The following OPCML variants were observed in gnomAD, a reference collection of about 807,000 sequenced individuals.
The protein encoded by OPCML is opioid binding protein/cell adhesion molecule like.
OPCML carries 13 observed loss-of-function variants against 37.8 expected under a neutral mutation model. That is an observed-to-expected ratio of 0.34 (90% confidence interval 0.22 to 0.55). The LOEUF is 0.55. OPCML is among the 20% of genes least tolerant of loss of function. The pLI, the probability that OPCML is intolerant of heterozygous loss-of-function variation, is 0.91. For synonymous variants in OPCML, 176 were observed against 168.8 expected (o/e 1.04, Z -0.33); for missense variants, 341 against 435.6 (o/e 0.78, Z 1.93).
chr11:133,242,807 A>T (rs1228470322), intron 1 of OPCML, among the ~76,000 whole-genome samples: 1 of 152,196 alleles, frequency 6.6e-6, no homozygotes, highest in African/African-American at 2.4e-5. Context: ...TGAGATAAAC[A>T]CTAGCCGAGT....
At chr11:133,486,839 C>T (rs2120399712) in intron 1 of OPCML, among the ~76,000 whole-genome samples, 1 of 135,462 alleles carries the variant, frequency 7.4e-6, no homozygotes, top group East Asian at 2.2e-4. Context: ...TCGCTCTCTC[C>T]CCCCCTTCTC....
intron 3 of OPCML, among the ~76,000 whole-genome samples, chr11:132,631,202 TA>T (rs35111694): frequency 6.6e-6 from 1 of 151,680 alleles, no homozygotes; most frequent in African/African-American, 2.4e-5. Flanking sequence ...GAGAACTTTT[TA>T]AAAAAAATTC....
In OPCML at chr11:133,180,107, C is replaced by T. The variant is rs141775659; in HGVS notation, c.62-237097G>A. 1.8e-3 allele frequency among the ~76,000 whole-genome samples: 270 copies of T among 152,312 alleles called. 3 individuals carry two copies. Among genetic ancestry groups the T allele is most frequent in the East Asian group, 4.2e-3 (22 of 5,178 alleles). ...ACTAGGGTGTGAGTGATGAGCACTG[C>T]TCCACGGCTGTGAAAGAACCGTAGG... On this transcript the variant is annotated intron_variant, in intron 1 of 7. Coordinates refer to ENST00000524381, the MANE Select transcript of OPCML (RefSeq NM_001012393.5).
At chr11:133,516,746 G>A (rs181604150) in intron 1 of OPCML, among the ~76,000 whole-genome samples, 12 of 152,286 alleles carry the variant, frequency 7.9e-5, no homozygotes, top group South Asian at 2.1e-4. Context: ...GGAGAGTTAC[G>A]AGCCACGGGG....
intron 1 of OPCML, among the ~76,000 whole-genome samples, chr11:133,264,797 T>G (rs1245242273): frequency 1.3e-5 from 2 of 152,198 alleles, no homozygotes; most frequent in African/African-American, 2.4e-5. Context: ...GTTATACATC[T>G]GTCATCAATA....
At chr11:133,129,080 A>G (rs1332217023) in intron 1 of OPCML, among the ~76,000 whole-genome samples, 1 of 152,202 alleles carries the variant, frequency 6.6e-6, no homozygotes, top group Non-Finnish European at 1.5e-5. Flanking sequence ...ACACAGGGGA[A>G]GGGGAAACAG....
At chr11:133,004,561 G>T in intron 1 of OPCML, 1 of 985,462 alleles carries the variant, frequency 1.0e-6, no homozygotes, top group African/African-American at 1.7e-5. Flanking sequence ...GACACTGCCT[G>T]CCAATGCCCA....
chr11:132,690,397 G>T (rs898203944), intron 2 of OPCML, among the ~76,000 whole-genome samples: 3 of 152,218 alleles, frequency 2.0e-5, no homozygotes, highest in African/African-American at 7.2e-5. Flanking sequence ...TGCTTATGCT[G>T]CTGGTATGGT....
intron 2 of OPCML, among the ~76,000 whole-genome samples, chr11:132,721,728 G>T (rs1370284624): frequency 6.6e-6 from 1 of 152,116 alleles, no homozygotes; most frequent in African/African-American, 2.4e-5. Context: ...GTGCAGTGGT[G>T]GGGTAGAAAC....
chr11:132,440,254 C>T (rs2096027983), intron 4 of OPCML, among the ~76,000 whole-genome samples: 1 of 151,868 alleles, frequency 6.6e-6, no homozygotes, highest in African/African-American at 2.4e-5. Context: ...ATAATACTAC[C>T]TCATTAAGTG....
At chr11:132,775,476 C>A (rs1946778739) in intron 2 of OPCML, among the ~76,000 whole-genome samples, 1 of 152,174 alleles carries the variant, frequency 6.6e-6, no homozygotes, top group South Asian at 2.1e-4. Context: ...CAAACACACA[C>A]ACACCAACTC....
intron 2 of OPCML, among the ~76,000 whole-genome samples, chr11:132,678,929 C>T (rs1209115685): frequency 6.6e-6 from 1 of 152,032 alleles, no homozygotes; most frequent in African/African-American, 2.4e-5. Context: ...AACAATGGCC[C>T]ACTCCGGTGG....
chr11:132,798,559 T>C (rs1938466276), intron 2 of OPCML, among the ~76,000 whole-genome samples: 1 of 152,238 alleles, frequency 6.6e-6, no homozygotes, highest in Non-Finnish European at 1.5e-5. Flanking sequence ...AGGCTCCATT[T>C]CTAATTCTAG....
chr11:133,203,253 A>G (rs1487217135), intron 1 of OPCML, among the ~76,000 whole-genome samples: 1 of 152,236 alleles, frequency 6.6e-6, no homozygotes, highest in Non-Finnish European at 1.5e-5. Flanking sequence ...GCTCATCTGA[A>G]ACCGGGATAA....
At chr11:133,181,193 T>C (rs76691510) in intron 1 of OPCML, among the ~76,000 whole-genome samples, 2,114 of 152,226 alleles carry the variant, frequency 0.014, 16 homozygotes, top group Non-Finnish European at 0.021. Context: ...ACACGGGTCA[T>C]TGTGGTGTTA....
At chr11:132,523,608 C>A (rs987143373) in intron 4 of OPCML, among the ~76,000 whole-genome samples, 1 of 152,120 alleles carries the variant, frequency 6.6e-6, no homozygotes, top group Non-Finnish European at 1.5e-5. Flanking sequence ...AGAAAAAATA[C>A]AGTAGCTATT....
At chr11:132,984,309 T>A (rs1461707477) in intron 1 of OPCML, among the ~76,000 whole-genome samples, 1 of 152,214 alleles carries the variant, frequency 6.6e-6, no homozygotes, top group Admixed American at 6.5e-5. Flanking sequence ...TTAAGATGAA[T>A]TTCACAAATA....
At chr11:132,868,886 A>G (rs144553531) in intron 2 of OPCML, among the ~76,000 whole-genome samples, 1 of 152,274 alleles carries the variant, frequency 6.6e-6, no homozygotes, top group Non-Finnish European at 1.5e-5. Flanking sequence ...GTGCTTGTGT[A>G]TGCATACGTG....
chr11:133,326,119 C>T (rs753786826), intron 1 of OPCML, among the ~76,000 whole-genome samples: 8 of 151,998 alleles, frequency 5.3e-5, no homozygotes, highest in Non-Finnish European at 1.0e-4. Flanking sequence ...GTTTTTCTTG[C>T]TGCTTTATTT....
Sources: allele counts gnomAD v4.1 joint callset (sites outside exome capture counted in the v4.1 genomes callset), GRCh38; gene constraint gnomAD v4.1.1; transcripts MANE v1.5; gene names NCBI Gene and HGNC (gene_info 2026-07-23, HGNC 2026-07-21).